The following CD36 variants were observed in gnomAD, a reference collection of about 807,000 sequenced individuals.
CD36 encodes the protein CD36 molecule (CD36 blood group).
In CD36, 119 loss-of-function variants were observed where a neutral mutation model predicts 55.2. The observed-to-expected ratio is 2.15, with a 90% CI of 1.86 to 2.51. The LOEUF is 2.51. CD36 is among the 30% of genes most tolerant of loss of function. The pLI is 0.00. For missense variants in CD36, 819 were observed against 555.5 expected (o/e 1.47, Z -4.77); for synonymous variants, 186 against 193.6 (o/e 0.96, Z 0.33).
At chr7:80,608,774 T>C (rs1345456349) in intron 1 of CD36, among the ~76,000 whole-genome samples, 1 of 152,186 alleles carries the variant, frequency 6.6e-6, no homozygotes, top group East Asian at 1.9e-4. Context: ...TTTTGTCTTG[T>C]TACTCAAGCG....
rs567787470 is a variant in CD36 at position 80,672,796 on chromosome 7, A to C, written c.1152A>C (p.Ala384=). ...EPITGFTLQF[A]KRLQVNLLVK... is the part of the protein sequence containing the mutation. ...TAACTGGATTCACTTTACAATTTGC[A>C]AAACGGCTGCAGGTCAACCTATTGG... Residue 384 remains alanine (A), a synonymous_variant, in exon 12 of 15, where the codon GCA becomes GCC. Coordinates refer to ENST00000447544, the MANE Select transcript of CD36 (RefSeq NM_001001548.3). 2.3e-4 allele frequency: 374 copies of C among 1,610,778 alleles called. 1 individual carries two copies. The African/African-American group carries it at 4.6e-3, about 20-fold the overall frequency.
chr7:80,666,442 G>C lies in CD36; in HGVS notation c.702-1G>C, dbSNP rs143762577. ...TATTCATTGTCTTTTTCTATTCCTA[G>C]GAATCTGTCCTATTGGGAAAGTCAC... On this transcript the variant is annotated splice_acceptor_variant, in intron 7 of 14. Transcript: ENST00000447544. LOFTEE classifies it high-confidence loss of function. The C allele has an allele frequency of 4.4e-6, 7 of 1,590,708 alleles. No homozygotes were observed. In the African/African-American group the frequency reaches 9.4e-5, roughly 21 times the overall value.
At position 80,677,799 on chromosome 7, in the gene CD36, A is replaced by G. The variant is rs958443890; in HGVS notation, c.*1416A>G. ...TCTAAAGATAATTGGATGAGAATATACATATTGACCTGTATATTATGACTA... is the reference window on the plus strand; with the variant it reads ...TCTAAAGATAATTGGATGAGAATATGCATATTGACCTGTATATTATGACTA... On this transcript the variant is annotated 3_prime_UTR_variant, in exon 15 of 15. Coordinates refer to ENST00000447544, the MANE Select transcript of CD36 (RefSeq NM_001001548.3). 5.3e-5 allele frequency: 8 copies of G among 152,202 alleles called. No homozygotes were observed. Among genetic ancestry groups the G allele is most frequent in the African/African-American group, 1.9e-4 (8 of 41,456 alleles). 9.4% of individuals were successfully genotyped at this position (152,202 alleles called of 1,614,324 possible). A position where few individuals can be genotyped will look rare whatever the true frequency, so the allele number is the denominator to read the frequency against.
intron 1 of CD36, among the ~76,000 whole-genome samples, chr7:80,625,935 C>T (rs1335986117): frequency 6.6e-6 from 1 of 152,058 alleles, no homozygotes; most frequent in Non-Finnish European, 1.5e-5. Flanking sequence ...TCCAATAATT[C>T]CCCAGGACAA....
At chr7:80,615,286 T>A (rs1282049246) in intron 1 of CD36, among the ~76,000 whole-genome samples, 1 of 152,172 alleles carries the variant, frequency 6.6e-6, no homozygotes, top group Non-Finnish European at 1.5e-5. Flanking sequence ...CTCCTCCAAC[T>A]TATAATTATT....
At chr7:80,671,817 T>TA in intron 10 of CD36, 105 bp from the exon 11 acceptor site, 1 of 986,216 alleles carries the variant, frequency 1.0e-6, no homozygotes, top group Admixed American at 1.8e-5. Context: ...AAAAACCATG[T>TA]ATTTTTTAAT....
intron 1 of CD36, among the ~76,000 whole-genome samples, chr7:80,639,092 A>C: frequency 6.6e-6 from 1 of 152,036 alleles, no homozygotes; most frequent in Non-Finnish European, 1.5e-5. Flanking sequence ...AATGATGAAG[A>C]TCATTATACT....
At position 80,663,063 on chromosome 7, in the gene CD36, C is replaced by A; in HGVS notation, c.503C>A (p.Ser168Tyr). ...TCACTTATTAACAAGTCAAAATCTT[C>A]TATGTTCCAAGTCAGAACTTTGAGA... ...LNSLINKSKSSMFQVRTLREL... is the reference protein window; with the variant it reads ...LNSLINKSKSYMFQVRTLREL... Residue 168 changes from serine to tyrosine, a missense_variant, in exon 6 of 15, where the codon TCT becomes TAT. By Grantham distance (144) the Ser-to-Tyr change is moderately radical. Coordinates refer to ENST00000447544, the MANE Select transcript of CD36 (RefSeq NM_001001548.3). 6.2e-7 allele frequency: 1 copy of A among 1,613,302 alleles called. No homozygotes were observed. Among genetic ancestry groups the A allele is most frequent in the Non-Finnish European group, 8.5e-7 (1 of 1,179,426 alleles).
At chr7:80,655,608 T>A (rs1163584754) in intron 3 of CD36, among the ~76,000 whole-genome samples, 1 of 152,018 alleles carries the variant, frequency 6.6e-6, no homozygotes, top group Non-Finnish European at 1.5e-5. Context: ...TAATGATGAG[T>A]GAGGCTGTTG....
intron 14 of CD36, among the ~76,000 whole-genome samples, chr7:80,675,360 G>C (rs1798118984): frequency 6.6e-6 from 1 of 152,056 alleles, no homozygotes; most frequent in Non-Finnish European, 1.5e-5. Context: ...TGTCCTAATG[G>C]GAAAGCATGC....
intron 1 of CD36, among the ~76,000 whole-genome samples, chr7:80,625,228 T>TG (rs538297853): frequency 0.011 from 1,693 of 152,092 alleles, 31 homozygotes; most frequent in African/African-American, 0.039. Context: ...TATAGAAAAA[T>TG]GGGGGGTACT....
rs1554344704 is a variant in CD36 at position 80,667,742 on chromosome 7, C to CT, written c.748+1257dup. Among the ~76,000 whole-genome samples, 70 of 92,922 alleles carry CT rather than the reference C, an allele frequency of 7.5e-4. 1 individual carries two copies. Among genetic ancestry groups the CT allele is most frequent in the Middle Eastern group, 6.0e-3 (1 of 166 alleles). The allele number at this position is 92,922 out of a possible 152,430, so 61.0% of individuals were successfully genotyped here. A position where few individuals can be genotyped will look rare whatever the true frequency, so the allele number is the denominator to read the frequency against. On this transcript the variant is annotated intron_variant, in intron 8 of 14. Transcript: ENST00000447544. ...ACACTGTTGGATTTGCAGGGGTTTT[C>CT]TTTTGTTTTTTTTTTTTTTTTTTTT...
chr7:80,610,596 G>A (rs959852668), intron 1 of CD36, among the ~76,000 whole-genome samples: 4 of 151,182 alleles, frequency 2.6e-5, no homozygotes, highest in Non-Finnish European at 5.9e-5. Context: ...TTTTTGAGAC[G>A]GAGTCTTGCT....
At chr7:80,650,086 C>T (rs918643389) in intron 3 of CD36, among the ~76,000 whole-genome samples, 1 of 152,004 alleles carries the variant, frequency 6.6e-6, no homozygotes, top group Non-Finnish European at 1.5e-5. Context: ...CAATCTTTTA[C>T]AAGGAAAAGA....
rs543084787 is a variant in CD36 at position 80,607,680 on chromosome 7, C to A, written c.-184+5301C>A. Among the ~76,000 whole-genome samples, 55 of 152,234 alleles carry A rather than the reference C, an allele frequency of 3.6e-4. 1 individual carries two copies. Among genetic ancestry groups the A allele is most frequent in the Non-Finnish European group, 2.9e-5 (2 of 68,012 alleles). ...GGAGACCCCAATCTACATCTTAGGGCTCCAATCACTCTTCTCAACTTCAGA... is the reference window on the plus strand; with the variant it reads ...GGAGACCCCAATCTACATCTTAGGGATCCAATCACTCTTCTCAACTTCAGA... On this transcript the variant is annotated intron_variant, in intron 1 of 13. Coordinates refer to the CD36 transcript ENST00000309881.
rs905697045 is a variant in CD36, at chr7:80,616,820, T to C, written c.-184+14441T>C. Among the ~76,000 whole-genome samples, 14 of 152,154 alleles carry C rather than the reference T, an allele frequency of 9.2e-5. No homozygotes were observed. The East Asian group carries it at 1.7e-3, about 19-fold the overall frequency. On this transcript the variant is annotated intron_variant, in intron 1 of 13. Transcript: ENST00000309881. ...TACAAGTGCAAAGTGGCTACGGCGATTGTAAGGATCATGTCTTTATATAAC... is the reference window on the plus strand; with the variant it reads ...TACAAGTGCAAAGTGGCTACGGCGACTGTAAGGATCATGTCTTTATATAAC...
intron 3 of CD36, among the ~76,000 whole-genome samples, chr7:80,650,206 G>A (rs1795494347): frequency 6.6e-6 from 1 of 151,980 alleles, no homozygotes; most frequent in South Asian, 2.1e-4. Flanking sequence ...CATGTCCATA[G>A]ACTAAGACTC....
intron 7 of CD36, 46 bp from the exon 8 acceptor site, chr7:80,666,397 A>ATTCT (rs1392536595): frequency 8.0e-7 from 1 of 1,247,426 alleles, no homozygotes; most frequent in South Asian, 1.2e-5. Context: ...TAAGAAAGGT[A>ATTCT]TTCTTTAAAT....
chr7:80,649,318 C>T (rs372223544), intron 3 of CD36, among the ~76,000 whole-genome samples: 4 of 152,004 alleles, frequency 2.6e-5, no homozygotes, highest in African/African-American at 9.7e-5. Context: ...GTATACTACT[C>T]TACAGCAGAA....
Sources: gnomAD v4.1 joint callset for allele counts (sites outside exome capture counted in the v4.1 genomes callset) on GRCh38, gnomAD v4.1.1 for gene constraint, MANE v1.5 for transcripts, NCBI Gene and HGNC (gene_info 2026-07-23, HGNC 2026-07-21) for gene names.